Variants in SLC9A9 observed in about 807,000 individuals in gnomAD.
SLC9A9 encodes solute carrier family 9 member A9.
A neutral mutation model predicts 77.8 loss-of-function variants in SLC9A9; 62 were observed. That is an observed-to-expected ratio of 0.80 (90% CI 0.65 to 0.98). SLC9A9 has a LOEUF of 0.98. Among genes scored for constraint, SLC9A9 ranks in the 50% least tolerant of loss-of-function variants. The pLI is 0.00. For synonymous variants in SLC9A9, 320 were observed against 283.5 expected, an observed-to-expected ratio of 1.13 and a Z score of -1.29; for missense variants, 775 against 774.9, an observed-to-expected ratio of 1.00 and a Z score of 0.00.
At chr3:143,631,251 G>T (rs892328425) in intron 6 of SLC9A9, among the ~76,000 whole-genome samples, 1 of 152,076 alleles carries the variant, frequency 6.6e-6, no homozygotes, top group Non-Finnish European at 1.5e-5. Context: ...AATAATCCCT[G>T]CATTTGGGTC....
intron 14 of SLC9A9, among the ~76,000 whole-genome samples, chr3:143,359,385 T>C (rs539293291): frequency 1.3e-5 from 2 of 152,136 alleles, no homozygotes; most frequent in South Asian, 2.1e-4. Flanking sequence ...TTAAGCGTTA[T>C]GGTGAAAAAA....
chr3:143,790,382 T>C (rs2108854416), intron 4 of SLC9A9, among the ~76,000 whole-genome samples: 2 of 152,386 alleles, frequency 1.3e-5, no homozygotes, highest in South Asian at 4.1e-4. Flanking sequence ...TTTGAATTCC[T>C]GTTTGCAATT....
At chr3:143,627,024 C>G (rs2108722294) in intron 6 of SLC9A9, 1 of 152,330 alleles carries the variant, frequency 6.6e-6, no homozygotes, top group Admixed American at 6.5e-5. Flanking sequence ...AGGCGTGCAC[C>G]ACCATGCCTG....
chr3:143,595,241 C>T (rs1409325389), intron 6 of SLC9A9, among the ~76,000 whole-genome samples: 1 of 152,146 alleles, frequency 6.6e-6, no homozygotes, highest in East Asian at 1.9e-4. Flanking sequence ...GATCCTCCCA[C>T]AAAATCATAT....
intron 12 of SLC9A9, among the ~76,000 whole-genome samples, chr3:143,432,210 C>T (rs1023627060): frequency 1.3e-5 from 2 of 152,172 alleles, no homozygotes; most frequent in African/African-American, 4.8e-5. Context: ...GTGCTTGGCA[C>T]ACATGTATTT....
At chr3:143,797,525 T>A (rs575619272) in intron 2 of SLC9A9, among the ~76,000 whole-genome samples, 5 of 152,052 alleles carry the variant, frequency 3.3e-5, no homozygotes, top group African/African-American at 1.2e-4. Flanking sequence ...AAGTGAAGAA[T>A]CACCAAAGAA....
chr3:143,616,931 C>T (rs1317442821), intron 6 of SLC9A9, among the ~76,000 whole-genome samples: 4 of 151,550 alleles, frequency 2.6e-5, no homozygotes, highest in Non-Finnish European at 5.9e-5. Flanking sequence ...GATGATCATG[C>T]TCCAGTCAGA....
chr3:143,787,191 A>G (rs890147619), intron 4 of SLC9A9, among the ~76,000 whole-genome samples: 1 of 152,162 alleles, frequency 6.6e-6, no homozygotes, highest in Non-Finnish European at 1.5e-5. Context: ...AGTTTTATAA[A>G]TCTACTAAAT....
In SLC9A9 at chr3:143,415,565, T is replaced by C. The variant is rs192199484; in HGVS notation, c.1470-33451A>G. Among the ~76,000 whole-genome samples, 227 of 152,332 alleles carry C rather than the reference T, an allele frequency of 1.5e-3. 3 individuals are homozygous for C. The highest frequency in any genetic ancestry group is 4.5e-3 in the Admixed American group (69 of 15,298). ...CACATCTGTTTACAGCATGATTTAC[T>C]GAACATTTTAAGCCCACTATTGAGA... On this transcript the variant is annotated intron_variant, in intron 12 of 15. Coordinates refer to ENST00000316549, the MANE Select transcript of SLC9A9 (RefSeq NM_173653.4).
chr3:143,474,003 T>C (rs985508632), intron 11 of SLC9A9, among the ~76,000 whole-genome samples: 1 of 152,116 alleles, frequency 6.6e-6, no homozygotes, highest in Non-Finnish European at 1.5e-5. Context: ...ACAGAGAGTA[T>C]TTATATGTGA....
chr3:143,406,969 C>T (rs1353986050), intron 12 of SLC9A9, among the ~76,000 whole-genome samples: 1 of 135,548 alleles, frequency 7.4e-6, no homozygotes, highest in Non-Finnish European at 1.6e-5. Flanking sequence ...GAGTGAAACT[C>T]CATCTCGAGA....
chr3:143,751,703 G>A (rs181399378), intron 4 of SLC9A9, among the ~76,000 whole-genome samples: 1 of 152,296 alleles, frequency 6.6e-6, no homozygotes, highest in Non-Finnish European at 1.5e-5. Context: ...GGCTTCCAAG[G>A]GAGCCTATCT....
intron 4 of SLC9A9, among the ~76,000 whole-genome samples, chr3:143,737,556 A>G (rs1381507322): frequency 1.3e-5 from 2 of 152,064 alleles, no homozygotes; most frequent in Admixed American, 1.3e-4. Flanking sequence ...ATACGTGTTC[A>G]TCTTGAGTCT....
intron 14 of SLC9A9, among the ~76,000 whole-genome samples, chr3:143,306,536 T>C (rs2030791541): frequency 6.6e-6 from 1 of 152,176 alleles, no homozygotes; most frequent in African/African-American, 2.4e-5. Flanking sequence ...GCCTGTAAGC[T>C]CCATGAAGGC....
At chr3:143,297,684 G>A (rs368577089) in intron 14 of SLC9A9, among the ~76,000 whole-genome samples, 1 of 152,074 alleles carries the variant, frequency 6.6e-6, no homozygotes, top group African/African-American at 2.4e-5. Context: ...TTTCATCAAC[G>A]TTTTATAGTT....
In SLC9A9 at chr3:143,436,676, G is replaced by A. The variant is rs145277637; in HGVS notation, c.1469+30361C>T. Among the ~76,000 whole-genome samples the A allele has an allele frequency of 5.0e-3, 755 of 152,324 alleles. 8 individuals carry two copies. Among genetic ancestry groups the A allele is most frequent in the Middle Eastern group, 0.037 (11 of 294 alleles). On this transcript the variant is annotated intron_variant, in intron 12 of 15. Transcript: ENST00000316549. The stretch of plus-strand genomic sequence containing the variant: ...TGCCTTGTTACGGACTGTAATTTGT[G>A]ACTAATTAGGTATAAATGCATTCTG...
At chr3:143,686,656 C>T (rs1933275788) in intron 5 of SLC9A9, among the ~76,000 whole-genome samples, 1 of 151,984 alleles carries the variant, frequency 6.6e-6, no homozygotes, top group Non-Finnish European at 1.5e-5. Flanking sequence ...TCCACCTACC[C>T]GATATGAAAG....
chr3:143,305,112 C>T (rs2030721275), intron 14 of SLC9A9, among the ~76,000 whole-genome samples: 1 of 152,190 alleles, frequency 6.6e-6, no homozygotes, highest in Non-Finnish European at 1.5e-5. Context: ...ACTTCTATAT[C>T]AATATCTGTT....
At chr3:143,617,798 G>T (rs2038131440) in intron 6 of SLC9A9, among the ~76,000 whole-genome samples, 1 of 152,184 alleles carries the variant, frequency 6.6e-6, no homozygotes, top group African/African-American at 2.4e-5. Context: ...TCCTGAAGAG[G>T]CTGGAGATAA....
Sources: allele counts gnomAD v4.1 joint callset (sites outside exome capture counted in the v4.1 genomes callset), GRCh38; gene constraint gnomAD v4.1.1; transcripts MANE v1.5; gene names NCBI Gene and HGNC (gene_info 2026-07-23, HGNC 2026-07-21).